Variants in ADGB observed in about 807,000 individuals in gnomAD.
ADGB encodes androglobin.
A neutral mutation model predicts 210.5 loss-of-function variants in ADGB; 172 were observed. The ratio of observed to expected loss-of-function variants is 0.82; its 90% CI spans 0.72 to 0.93. ADGB has a LOEUF of 0.93. Ranked by LOEUF, ADGB falls within the 40% of genes least tolerant of loss-of-function variation. The pLI is 0.00. For synonymous variants in ADGB, 658 were observed against 662.7 expected (o/e 0.99, Z 0.11); for missense variants, 2,025 against 1,964.8 (o/e 1.03, Z -0.58).
Position 146,666,912 on chromosome 6 carries a change from A to T in ADGB, c.839+10A>T. On this transcript the variant is annotated intron_variant, in intron 7 of 35. Transcript: ENST00000397944. ...AAGTCATTTCTCTTCAGTATGTTTG[A>T]CTATTAAATTGCTCATATCTATTTT... is the stretch of plus-strand genomic sequence containing the variant. The T allele has an allele frequency of 6.6e-7, 1 of 1,521,728 alleles. No individual in the cohort carries two copies. The allele number at this position is 1,521,728 out of a possible 1,614,324, so 94.3% of individuals were successfully genotyped here.
chr6:146,764,531 C>A (rs139528314), intron 28 of ADGB, among the ~76,000 whole-genome samples: 1 of 151,786 alleles, frequency 6.6e-6, no homozygotes, highest in African/African-American at 2.4e-5. Flanking sequence ...AAGGTATGAC[C>A]TAGCCATTGG....
chr6:146,689,022 G>A (rs1776267994), intron 10 of ADGB, among the ~76,000 whole-genome samples: 1 of 152,080 alleles, frequency 6.6e-6, no homozygotes, highest in African/African-American at 2.4e-5. Flanking sequence ...CTCCTCTTGG[G>A]TATTCTAATG....
intron 33 of ADGB, among the ~76,000 whole-genome samples, chr6:146,795,066 A>G (rs997235191): frequency 4.6e-5 from 7 of 152,224 alleles, no homozygotes; most frequent in Non-Finnish European, 8.8e-5. Context: ...TTAAAAATAA[A>G]TAAAAATTAA....
At chr6:146,674,404 A>G (rs1373980084) in intron 8 of ADGB, among the ~76,000 whole-genome samples, 2 of 151,988 alleles carry the variant, frequency 1.3e-5, no homozygotes, top group African/African-American at 4.8e-5. Flanking sequence ...AGATGACTGC[A>G]GTAGTATATG....
intron 1 of ADGB, among the ~76,000 whole-genome samples, chr6:146,623,852 G>A (rs1054889700): frequency 5.9e-5 from 9 of 151,534 alleles, no homozygotes; most frequent in Non-Finnish European, 8.9e-5. Context: ...ATTTTTTTTA[G>A]TTTGTTAATA....
chr6:146,658,348 T>C (rs1486683543), intron 5 of ADGB, among the ~76,000 whole-genome samples: 2 of 152,054 alleles, frequency 1.3e-5, no homozygotes, highest in South Asian at 2.1e-4. Context: ...AAGTTTTAAA[T>C]CTGTGCAGAG....
At chr6:146,803,801 C>T (rs1778169169) in intron 35 of ADGB, 4 of 469,828 alleles carry the variant, frequency 8.5e-6, no homozygotes, top group South Asian at 2.5e-5. Context: ...GAGCGTCCCT[C>T]GGCTTCTGGG....
chr6:146,714,593 A>T (rs1433102590), intron 13 of ADGB, among the ~76,000 whole-genome samples: 3 of 152,182 alleles, frequency 2.0e-5, no homozygotes, highest in Non-Finnish European at 4.4e-5. Context: ...GCAAAAGAAG[A>T]CTGGATGCTG....
intron 3 of ADGB, among the ~76,000 whole-genome samples, chr6:146,651,779 G>A (rs1416473431): frequency 6.6e-6 from 1 of 152,088 alleles, no homozygotes; most frequent in Non-Finnish European, 1.5e-5. Flanking sequence ...AGATAAGTGA[G>A]CACTGTGCAT....
chr6:146,640,664 A>G (rs1287295867), intron 2 of ADGB, among the ~76,000 whole-genome samples: 1 of 152,048 alleles, frequency 6.6e-6, no homozygotes, highest in South Asian at 2.1e-4. Context: ...CAAAAACCAC[A>G]TGAATATCTA....
intron 12 of ADGB, among the ~76,000 whole-genome samples, chr6:146,695,760 T>C (rs1298733977): frequency 3.3e-5 from 5 of 152,016 alleles, no homozygotes; most frequent in Non-Finnish European, 7.4e-5. Flanking sequence ...TCCATAATTG[T>C]AGCATTTTAC....
chr6:146,801,725 C>T, intron 34 of ADGB, 103 bp from the exon 35 acceptor site: 1 of 982,826 alleles, frequency 1.0e-6, no homozygotes, highest in Non-Finnish European at 1.4e-6. Flanking sequence ...TGACTCAGAC[C>T]ACCACACTGT....
At chr6:146,775,568 A>G (rs1406911940) in intron 29 of ADGB, among the ~76,000 whole-genome samples, 1 of 152,142 alleles carries the variant, frequency 6.6e-6, no homozygotes, top group East Asian at 1.9e-4. Context: ...CCTTTTGCCA[A>G]TATGTTACAG....
intron 10 of ADGB, among the ~76,000 whole-genome samples, chr6:146,689,207 T>C (rs1014293340): frequency 6.6e-6 from 1 of 152,162 alleles, no homozygotes; most frequent in Non-Finnish European, 1.5e-5. Flanking sequence ...CATATGTATA[T>C]TGAGTGCCTA....
intron 1 of ADGB, among the ~76,000 whole-genome samples, chr6:146,607,329 T>C (rs1384053313): frequency 1.3e-5 from 2 of 152,228 alleles, no homozygotes; most frequent in African/African-American, 4.8e-5. Flanking sequence ...TAGACTCATA[T>C]AGTCTACAAA....
At chr6:146,770,387 G>T in intron 29 of ADGB, 1 of 219,646 alleles carries the variant, frequency 4.6e-6, no homozygotes. Context: ...GACACCAAGA[G>T]TTCCCATTTC....
chr6:146,676,290 A>G (rs1320859811), intron 8 of ADGB, 23 bp from the exon 9 acceptor site: 1 of 1,528,512 alleles, frequency 6.5e-7, no homozygotes. Flanking sequence ...TAAAATATTT[A>G]TTGTGATTTT....
At chr6:146,614,213 C>T (rs2114833192) in intron 1 of ADGB, among the ~76,000 whole-genome samples, 1 of 35,818 alleles carries the variant, frequency 2.8e-5, no homozygotes, top group East Asian at 5.6e-4. Flanking sequence ...TCCTCCCTTC[C>T]TTCCTCCCTT....
chr6:146,636,585 GGA>G lies in ADGB; in HGVS notation c.237+1057_237+1058del, dbSNP rs532527227. Among the ~76,000 whole-genome samples the G allele has an allele frequency of 2.5e-3, 377 of 151,626 alleles. 5 individuals carry two copies. Among genetic ancestry groups the G allele is most frequent in the African/African-American group, 8.9e-3 (368 of 41,160 alleles). On this transcript the variant is annotated intron_variant, in intron 2 of 35. Coordinates refer to ENST00000397944, the MANE Select transcript of ADGB (RefSeq NM_024694.4). ...TTTTTTTCAGTGATTCAAAACTTAT[GGA>G]GAGAGAGAAAGAGAGAGAGTGTGAG...
Sources: gnomAD v4.1 joint callset for allele counts (sites outside exome capture counted in the v4.1 genomes callset) on GRCh38, gnomAD v4.1.1 for gene constraint, MANE v1.5 for transcripts, NCBI Gene and HGNC (gene_info 2026-07-23, HGNC 2026-07-21) for gene names.